Variants in SYDE2 observed in about 807,000 individuals in gnomAD.
The protein encoded by SYDE2 is synapse defective Rho GTPase homolog 2, also known as rho GTPase-activating protein SYDE2.
In SYDE2, 76 loss-of-function variants were observed where a neutral mutation model predicts 91.5. That is an observed-to-expected ratio of 0.83 (90% CI 0.69 to 1.01). SYDE2 has a LOEUF of 1.01. Ranked by LOEUF, SYDE2 falls within the 50% of genes least tolerant of loss-of-function variation. SYDE2 has a pLI of 0.00. For missense variants in SYDE2, 1,364 were observed against 1,367.7 expected (o/e 1.00, Z 0.04); for synonymous variants, 513 against 506.4 (o/e 1.01, Z -0.18).
chr1:85,185,986 T>C (rs1302884002), intron 2 of SYDE2, among the ~76,000 whole-genome samples: 4 of 152,172 alleles, frequency 2.6e-5, no homozygotes, highest in African/African-American at 9.7e-5. Flanking sequence ...ACCTAATTTA[T>C]TGAGAGTTTT....
chr1:85,162,997 T>C (rs1557740378), intron 6 of SYDE2, among the ~76,000 whole-genome samples: 2 of 152,294 alleles, frequency 1.3e-5, no homozygotes, highest in East Asian at 3.9e-4. Flanking sequence ...ATTCAGGGTT[T>C]TAAAATAGTT....
intron 4 of SYDE2, among the ~76,000 whole-genome samples, chr1:85,170,612 C>G (rs817430): frequency 0.23 from 34,257 of 152,088 alleles, 4,775 homozygotes; most frequent in African/African-American, 0.38. Flanking sequence ...TTGGATTAGG[C>G]ATGCTAAACT....
chr1:85,194,273 T>C (rs1266056268), intron 1 of SYDE2, among the ~76,000 whole-genome samples: 6 of 151,092 alleles, frequency 4.0e-5, no homozygotes, highest in African/African-American at 1.5e-4. Context: ...TGTTTAACCA[T>C]ATTAGCATAA....
At chr1:85,199,257 C>T (rs1658715385) in intron 1 of SYDE2, among the ~76,000 whole-genome samples, 1 of 152,100 alleles carries the variant, frequency 6.6e-6, no homozygotes, top group South Asian at 2.1e-4. Flanking sequence ...ACTTATAAGT[C>T]TTTATGATCA....
chr1:85,200,178 G>A, intron 1 of SYDE2, 74 bp downstream of exon 1: 1 of 1,590,274 alleles, frequency 6.3e-7, no homozygotes, highest in South Asian at 1.2e-5. Flanking sequence ...CTTTTTCTTG[G>A]CTCTTAAGAC....
Position 85,158,591 on chromosome 1 carries a change from A to G in SYDE2, c.*159T>C, listed in dbSNP as rs1200851432. ...TTCTAGTGAGATAAGTAAAAATTGTATTAATGAATAGTGTTTTTAATTGAA... is the reference window on the plus strand; with the variant it reads ...TTCTAGTGAGATAAGTAAAAATTGTGTTAATGAATAGTGTTTTTAATTGAA... On this transcript the variant is annotated 3_prime_UTR_variant, in exon 7 of 7. Transcript: ENST00000341460. 5.8e-6 allele frequency: 3 copies of G among 519,160 alleles called. No homozygotes were observed. The African/African-American group carries it at 6.0e-5, about 10-fold the overall frequency. The allele number at this position is 519,160 out of a possible 1,614,324, so 32.2% of individuals were successfully genotyped here. A position where few individuals can be genotyped will look rare whatever the true frequency, so the allele number is the denominator to read the frequency against.
intron 2 of SYDE2, among the ~76,000 whole-genome samples, chr1:85,184,994 T>C (rs1658075864): frequency 6.6e-6 from 1 of 151,930 alleles, no homozygotes; most frequent in Non-Finnish European, 1.5e-5. Flanking sequence ...TATTTTGAAA[T>C]TCAACCATTT....
At position 85,160,084 on chromosome 1, in the gene SYDE2, C is replaced by T. The variant is rs1050259425; in HGVS notation, c.3086-835G>A. On this transcript the variant is annotated intron_variant, in intron 6 of 6. Coordinates refer to ENST00000341460, the MANE Select transcript of SYDE2 (RefSeq NM_032184.2). Reference sequence around the variant, plus strand: ...AAGGCTATTCTGTATATAAAATAGACAATTTAAAATGCTGACACATAGCTA... The same window carrying T: ...AAGGCTATTCTGTATATAAAATAGATAATTTAAAATGCTGACACATAGCTA... 9 of 984,122 alleles carry T rather than the reference C, an allele frequency of 9.1e-6. No individual in the cohort carries two copies. In the Admixed American group the frequency reaches 5.5e-4, roughly 61 times the overall value. The allele number at this position is 984,122 out of a possible 1,614,324, so 61.0% of individuals were successfully genotyped here. A position where few individuals can be genotyped will look rare whatever the true frequency, so the allele number is the denominator to read the frequency against.
At chr1:85,161,517 G>C (rs935158705) in intron 6 of SYDE2, among the ~76,000 whole-genome samples, 1 of 152,052 alleles carries the variant, frequency 6.6e-6, no homozygotes, top group African/African-American at 2.4e-5. Context: ...CTTGAAGTCA[G>C]GAGTTCGAGA....
intron 1 of SYDE2, chr1:85,194,921 G>C (rs1295221768): frequency 3.0e-6 from 2 of 674,854 alleles, no homozygotes; most frequent in South Asian, 6.7e-5. Context: ...AGCACTTTGG[G>C]AGGCCAAGGC....
Position 85,200,513 on chromosome 1 carries a change from C to T in SYDE2, c.484G>A (p.Ala162Thr), listed in dbSNP as rs751816967. The T allele has an allele frequency of 3.7e-6, 6 of 1,613,578 alleles. No homozygotes were observed. The highest frequency in any genetic ancestry group is 5.1e-6 in the Non-Finnish European group (6 of 1,179,888). The change falls in exon 1 of 7, where the codon GCG (alanine) becomes ACG (threonine). Residue 162 changes from alanine (A) to threonine (T), a missense_variant. Physicochemically the swap from Ala to Thr is moderately conservative, Grantham distance 58. Coordinates refer to ENST00000341460, the MANE Select transcript of SYDE2 (RefSeq NM_032184.2). ...CSSGSPFRDP[A>T]GSSVIRSGKG... ...CCACTGCGTATCACAGAGGACCCCG[C>T]TGGATCCCTGAAAGGGCTTCCCGAG...
chr1:85,159,396 A>G (rs1170559691), intron 6 of SYDE2, 147 bp from the exon 7 acceptor site: 35 of 629,280 alleles, frequency 5.6e-5, no homozygotes. Context: ...AGCATTCCAT[A>G]ATTATTTTTT....
At position 85,159,123 on chromosome 1, in the gene SYDE2, C is replaced by G. The variant is rs762352579; in HGVS notation, c.3212G>C (p.Gly1071Ala). Residue 1071 changes from glycine to alanine, a missense_variant, in exon 7 of 7, where the codon GGA (glycine) becomes GCA (alanine). Physicochemically the swap from Gly to Ala is moderately conservative, Grantham distance 60. Transcript: ENST00000341460. ...TCGGTTTTGCCTTGGCCTAAGTACTCCTGATGAATCAGTACCACTCAAATT... is the reference window on the plus strand; with the variant it reads ...TCGGTTTTGCCTTGGCCTAAGTACTGCTGATGAATCAGTACCACTCAAATT... ...MLNLSGTDSS[G>A]VLRPRQNRLD... is the part of the protein sequence containing the mutation. 33 of 780,720 alleles carry G rather than the reference C, an allele frequency of 4.2e-5. 1 individual carries two copies. Among genetic ancestry groups the G allele is most frequent in the South Asian group, 4.0e-5 (3 of 74,620 alleles). The allele number at this position is 780,720 out of a possible 1,614,324, so 48.4% of individuals were successfully genotyped here.
At chr1:85,171,403 G>C (rs1348931951) in intron 4 of SYDE2, among the ~76,000 whole-genome samples, 2 of 152,134 alleles carry the variant, frequency 1.3e-5, no homozygotes, top group African/African-American at 2.4e-5. Context: ...AGGTGGGGAT[G>C]GGGCGAGAGG....
At chr1:85,173,655 A>G (rs962707909) in intron 4 of SYDE2, among the ~76,000 whole-genome samples, 10 of 152,216 alleles carry the variant, frequency 6.6e-5, no homozygotes, top group Non-Finnish European at 1.2e-4. Flanking sequence ...CAAACAACAG[A>G]AATATCCAGC....
intron 5 of SYDE2, among the ~76,000 whole-genome samples, chr1:85,166,428 A>G (rs572825055): frequency 3.3e-5 from 5 of 152,208 alleles, no homozygotes; most frequent in African/African-American, 1.2e-4. Flanking sequence ...GAAAAATCAA[A>G]ATAACATTAT....
downstream of SYDE2, among the ~76,000 whole-genome samples, chr1:85,155,829 C>G (rs1656869021): frequency 6.6e-6 from 1 of 151,994 alleles, no homozygotes; most frequent in African/African-American, 2.4e-5. Context: ...AAAGGGAAAA[C>G]TATACATCTA....
chr1:85,166,936 C>T (rs937401446), intron 5 of SYDE2, among the ~76,000 whole-genome samples: 5 of 152,026 alleles, frequency 3.3e-5, no homozygotes, highest in Admixed American at 6.6e-5. Context: ...TCTGGCTGGG[C>T]GTGGTGGTTC....
At chr1:85,190,032 A>C (rs1422390354) in intron 2 of SYDE2, 25 bp downstream of exon 2, 3 of 1,497,342 alleles carry the variant, frequency 2.0e-6, no homozygotes, top group Non-Finnish European at 2.7e-6. Context: ...AGAAGAAAGA[A>C]AGACACATAT....
Sources: gnomAD v4.1 joint callset for allele counts (sites outside exome capture counted in the v4.1 genomes callset) on GRCh38, gnomAD v4.1.1 for gene constraint, MANE v1.5 for transcripts, NCBI Gene and HGNC (gene_info 2026-07-23, HGNC 2026-07-21) for gene names.